The following TMPRSS4 variants were observed in gnomAD, a reference collection of about 807,000 sequenced individuals.
The protein encoded by TMPRSS4 is transmembrane protease serine 4.
TMPRSS4 carries 45 observed loss-of-function variants against 56.4 expected under a neutral mutation model. The observed-to-expected ratio is 0.80, with a 90% confidence interval of 0.63 to 1.02. The LOEUF is 1.02. Among genes scored for constraint, TMPRSS4 ranks in the 50% least tolerant of loss-of-function variants. TMPRSS4 has a pLI of 0.00. For synonymous variants in TMPRSS4, 205 were observed against 211.0 expected (o/e 0.97, Z 0.25); for missense variants, 546 against 556.7 (o/e 0.98, Z 0.19).
At position 118,077,200 on chromosome 11, in the gene TMPRSS4, C is replaced by A; in HGVS notation, c.-103C>A. 6.7e-7 allele frequency: 1 copy of A among 1,488,810 alleles called. No individual in the cohort carries two copies. Among genetic ancestry groups the A allele is most frequent in the Non-Finnish European group, 9.1e-7 (1 of 1,093,668 alleles). The allele number at this position is 1,488,810 out of a possible 1,614,324, so 92.2% of individuals were successfully genotyped here. A position where few individuals can be genotyped will look rare whatever the true frequency, so the allele number is the denominator to read the frequency against. On this transcript the variant is annotated 5_prime_UTR_variant, in exon 1 of 13. Coordinates refer to ENST00000437212, the MANE Select transcript of TMPRSS4 (RefSeq NM_019894.4). ...GCCAGTGCTGACCAGGGACTTCTGA[C>A]CTGCTGGCCAGCCAGGACCTGTGTG...
intron 11 of TMPRSS4, among the ~76,000 whole-genome samples, chr11:118,116,172 T>C (rs1947537532): frequency 6.6e-6 from 1 of 152,252 alleles, no homozygotes; most frequent in South Asian, 2.1e-4. Flanking sequence ...CAGTCTGGTC[T>C]CAAACTCCTG....
At chr11:118,107,163 A>C (rs2135423387) in intron 5 of TMPRSS4, 1 of 152,328 alleles carries the variant, frequency 6.6e-6, no homozygotes, top group South Asian at 2.1e-4. Flanking sequence ...CTTCAACCCA[A>C]GGTTTGAAAG....
chr11:118,101,223 A>C (rs1016095220), intron 3 of TMPRSS4, among the ~76,000 whole-genome samples: 14 of 152,108 alleles, frequency 9.2e-5, no homozygotes, highest in Middle Eastern at 3.2e-3. Context: ...TTGTAATGTG[A>C]GTTAGTAATA....
At chr11:118,096,803 G>C (rs532137861) in intron 2 of TMPRSS4, among the ~76,000 whole-genome samples, 7 of 143,454 alleles carry the variant, frequency 4.9e-5, no homozygotes, top group Non-Finnish European at 7.5e-5. Context: ...GAGAGAGAGA[G>C]GAGAGAAAAA....
At chr11:118,098,747 G>A (rs1196694611) in intron 2 of TMPRSS4, among the ~76,000 whole-genome samples, 1 of 152,154 alleles carries the variant, frequency 6.6e-6, no homozygotes, top group African/African-American at 2.4e-5. Flanking sequence ...CTGACCTGGG[G>A]GCTCCTTTGA....
chr11:118,099,953 C>T (rs1946652707), intron 3 of TMPRSS4, among the ~76,000 whole-genome samples: 1 of 152,090 alleles, frequency 6.6e-6, no homozygotes, highest in South Asian at 2.1e-4. Flanking sequence ...CTTTTTGGCT[C>T]CCACATCCTA....
At chr11:118,094,782 C>A (rs1370057506) in intron 1 of TMPRSS4, 34 bp from the exon 2 acceptor site, 1 of 1,600,248 alleles carries the variant, frequency 6.2e-7, no homozygotes, top group Non-Finnish European at 8.5e-7. Flanking sequence ...CTGAGAGGCT[C>A]CCTGCCTCAA....
In TMPRSS4 at chr11:118,077,162, C is replaced by T. The variant is rs150393046; in HGVS notation, c.-141C>T. 1.4e-3 allele frequency: 1,442 copies of T among 995,784 alleles called. 9 individuals are homozygous for T. In the African/African-American group the frequency reaches 0.022, roughly 15 times the overall value. The allele number at this position is 995,784 out of a possible 1,614,324, so 61.7% of individuals were successfully genotyped here. A position where few individuals can be genotyped will look rare whatever the true frequency, so the allele number is the denominator to read the frequency against. ...GAGGGACCAAGGCCTGCCCTGCACT[C>T]GGGCCTCCTCCAGCCAGTGCTGACC... On this transcript the variant is annotated 5_prime_UTR_variant, in exon 1 of 13. Coordinates refer to ENST00000437212, the MANE Select transcript of TMPRSS4 (RefSeq NM_019894.4).
chr11:118,090,311 T>G (rs1294419787), intron 1 of TMPRSS4, among the ~76,000 whole-genome samples: 1 of 152,092 alleles, frequency 6.6e-6, no homozygotes, highest in African/African-American at 2.4e-5. Context: ...CAATACTCAT[T>G]ATGTACTGTG....
intron 1 of TMPRSS4, among the ~76,000 whole-genome samples, chr11:118,093,630 C>T (rs1268686905): frequency 6.6e-6 from 1 of 152,146 alleles, no homozygotes; most frequent in Non-Finnish European, 1.5e-5. Context: ...TCGACGGCAG[C>T]CTAAGACCAC....
intron 3 of TMPRSS4, among the ~76,000 whole-genome samples, chr11:118,101,610 A>C (rs916565589): frequency 3.2e-4 from 49 of 152,260 alleles, no homozygotes; most frequent in African/African-American, 1.1e-3. Flanking sequence ...AGTAGCTAGG[A>C]CCACAGGGGC....
intron 1 of TMPRSS4, among the ~76,000 whole-genome samples, chr11:118,078,672 C>T: frequency 6.6e-6 from 1 of 152,084 alleles, no homozygotes; most frequent in Non-Finnish European, 1.5e-5. Context: ...TTCTGGGTGG[C>T]AGGCACTGAG....
chr11:118,110,344 CTTT>C (rs11320723), intron 7 of TMPRSS4, among the ~76,000 whole-genome samples: 2 of 146,622 alleles, frequency 1.4e-5, no homozygotes, highest in Non-Finnish European at 1.5e-5. Context: ...TAGATTCTCT[CTTT>C]TTTTTTTTTT....
At position 118,119,286 on chromosome 11, in the gene TMPRSS4, G is replaced by A. The variant is rs1391500806; in HGVS notation, c.*1373G>A. Reference sequence around the variant, plus strand: ...CTAAACCTGGACACACTGAAGACAAGGGAGCTGAACCAGGGCTCCTACATG... The same window carrying A: ...CTAAACCTGGACACACTGAAGACAAAGGAGCTGAACCAGGGCTCCTACATG... On this transcript the variant is annotated 3_prime_UTR_variant, in exon 13 of 13. Transcript: ENST00000437212. 7 of 985,388 alleles carry A rather than the reference G, an allele frequency of 7.1e-6. No individual in the cohort carries two copies. In the East Asian group the frequency reaches 5.7e-4, roughly 80 times the overall value. 61.0% of individuals were successfully genotyped at this position (985,388 alleles called of 1,614,324 possible). A position where few individuals can be genotyped will look rare whatever the true frequency, so the allele number is the denominator to read the frequency against.
intron 8 of TMPRSS4, among the ~76,000 whole-genome samples, chr11:118,112,289 C>G (rs987487306): frequency 1.4e-5 from 2 of 147,894 alleles, no homozygotes; most frequent in Admixed American, 6.8e-5. Flanking sequence ...TGTCTGGAAA[C>G]TTTAAAAAAA....
At chr11:118,102,674 A>C (rs979160770) in intron 3 of TMPRSS4, among the ~76,000 whole-genome samples, 2 of 152,194 alleles carry the variant, frequency 1.3e-5, no homozygotes, top group African/African-American at 4.8e-5. Context: ...CCGCCACTGC[A>C]CTCCAGCCTG....
chr11:118,077,453 C>G (rs1191563415), intron 1 of TMPRSS4, 148 bp downstream of exon 1: 5 of 954,066 alleles, frequency 5.2e-6, no homozygotes, highest in Non-Finnish European at 7.7e-6. Flanking sequence ...CCCCTCACAC[C>G]CCAGCCCGGT....
intron 3 of TMPRSS4, among the ~76,000 whole-genome samples, chr11:118,102,446 G>A (rs554057066): frequency 2.6e-5 from 4 of 152,322 alleles, no homozygotes; most frequent in African/African-American, 4.8e-5. Context: ...GGTGGCTCAC[G>A]CCTGTAATCC....
chr11:118,077,736 G>T (rs1325744224), intron 1 of TMPRSS4, among the ~76,000 whole-genome samples: 1 of 152,156 alleles, frequency 6.6e-6, no homozygotes, highest in Non-Finnish European at 1.5e-5. Context: ...TGTAGACTGG[G>T]TGCAGTGGCT....
Sources: gnomAD v4.1 joint callset for allele counts (sites outside exome capture counted in the v4.1 genomes callset) on GRCh38, gnomAD v4.1.1 for gene constraint, MANE v1.5 for transcripts, NCBI Gene and HGNC (gene_info 2026-07-23, HGNC 2026-07-21) for gene names.